The following CTTNBP2 variants were observed in gnomAD, a reference collection of about 807,000 sequenced individuals.
CTTNBP2 encodes cortactin binding protein 2.
A neutral mutation model predicts 156.9 loss-of-function variants in CTTNBP2; 108 were observed. The ratio of observed to expected loss-of-function variants is 0.69; its 90% CI spans 0.59 to 0.81. The LOEUF (loss-of-function observed/expected upper bound fraction) is 0.81. Ranked by LOEUF, CTTNBP2 falls within the 30% of genes least tolerant of loss-of-function variation. The pLI, the probability that CTTNBP2 is intolerant of heterozygous loss-of-function variation, is 0.00. For synonymous variants in CTTNBP2, 767 were observed against 751.8 expected, an observed-to-expected ratio of 1.02 and a Z score of -0.33; for missense variants, 1,924 against 2,035.4, an observed-to-expected ratio of 0.95 and a Z score of 1.05.
intron 2 of CTTNBP2, among the ~76,000 whole-genome samples, chr7:117,819,025 C>T (rs1800787348): frequency 6.6e-6 from 1 of 152,142 alleles, no homozygotes; most frequent in South Asian, 2.1e-4. Flanking sequence ...GGCTTCTAAA[C>T]TGTTATATCC....
At chr7:117,770,847 T>TA (rs1467095407) in intron 8 of CTTNBP2, among the ~76,000 whole-genome samples, 1 of 152,124 alleles carries the variant, frequency 6.6e-6, no homozygotes, top group Non-Finnish European at 1.5e-5. Flanking sequence ...CTTCTGGAAA[T>TA]AGAGTCCCGG....
Position 117,792,391 on chromosome 7 carries a change from G to A in CTTNBP2, c.805C>T (p.Leu269=). Reference sequence around the variant, plus strand: ...GGTTTGCTGTCACTTCCCCTTTTCAGTTGCTCAATCATTTTCCTCATCTTG... The same window carrying A: ...GGTTTGCTGTCACTTCCCCTTTTCAATTGCTCAATCATTTTCCTCATCTTG... ...IDKMRKMIEQ[L]KRGSDSKPSL... Residue 269 remains leucine (L), a synonymous_variant, in exon 4 of 23, where the codon CTG becomes TTG. Transcript: ENST00000160373. The surrounding 1 kb of genome is among the most constrained non-coding windows in gnomAD (Gnocchi z 4.2). 6.2e-7 allele frequency: 1 copy of A among 1,614,144 alleles called. No homozygotes were observed. Among genetic ancestry groups the A allele is most frequent in the Non-Finnish European group, 8.5e-7 (1 of 1,180,032 alleles).
intron 2 of CTTNBP2, among the ~76,000 whole-genome samples, chr7:117,836,754 C>T (rs1801974634): frequency 1.3e-5 from 2 of 152,090 alleles, no homozygotes; most frequent in South Asian, 4.1e-4. Context: ...TTCCACGTGG[C>T]TGGGGAGGCC....
At chr7:117,864,614 A>T (rs1803984804) in intron 1 of CTTNBP2, among the ~76,000 whole-genome samples, 1 of 149,612 alleles carries the variant, frequency 6.7e-6, no homozygotes, top group Non-Finnish European at 1.5e-5. Context: ...TTCTAACAAA[A>T]ACTACATTTT....
At chr7:117,718,478 T>A (rs1050156718) in intron 21 of CTTNBP2, among the ~76,000 whole-genome samples, 1 of 152,220 alleles carries the variant, frequency 6.6e-6, no homozygotes, top group African/African-American at 2.4e-5. Flanking sequence ...CCAACAAAGT[T>A]AAATAAGAGT....
chr7:117,830,915 G>A (rs1740307208), intron 2 of CTTNBP2, among the ~76,000 whole-genome samples: 1 of 152,078 alleles, frequency 6.6e-6, no homozygotes, highest in Non-Finnish European at 1.5e-5. Flanking sequence ...CTACCAAATA[G>A]TCAAAGAATC....
In CTTNBP2 at chr7:117,777,700, C is replaced by T; in HGVS notation, c.2589G>A (p.Met863Ile). 6.2e-7 allele frequency: 1 copy of T among 1,614,016 alleles called. No homozygotes were observed. The highest frequency in any genetic ancestry group is 1.1e-5 in the South Asian group (1 of 91,074). ...TTCCATGAGCTGGTATTCTATGGTA[C>T]ATAAGAAGCTTGAGGCTGTCCACAT... Reference protein sequence around the residue: ...TGNVDSLKLLMYHRIPAHGNS... With the variant: ...TGNVDSLKLLIYHRIPAHGNS... The change falls in exon 8 of 23, where the codon ATG (methionine) becomes ATA (isoleucine). Residue 863 changes from methionine to isoleucine, a missense_variant. By Grantham distance (10) the Met-to-Ile change is conservative. Coordinates refer to ENST00000160373, the MANE Select transcript of CTTNBP2 (RefSeq NM_033427.3).
intron 22 of CTTNBP2, among the ~76,000 whole-genome samples, chr7:117,713,050 C>A (rs1384376719): frequency 6.6e-6 from 1 of 152,140 alleles, no homozygotes; most frequent in Non-Finnish European, 1.5e-5. Flanking sequence ...GTAGTACAAA[C>A]CCTCTTGTGA....
At chr7:117,719,692 A>C in intron 20 of CTTNBP2, 56 bp from the exon 21 acceptor site, 1 of 1,496,932 alleles carries the variant, frequency 6.7e-7, no homozygotes, top group Non-Finnish European at 9.1e-7. Context: ...CCAATTTGGA[A>C]ATCTAGACAC....
intron 12 of CTTNBP2, among the ~76,000 whole-genome samples, chr7:117,748,563 C>T (rs1796460337): frequency 6.6e-6 from 1 of 152,156 alleles, no homozygotes; most frequent in South Asian, 2.1e-4. Flanking sequence ...AAAATATTCA[C>T]GATCTCACTT....
At chr7:117,762,704 T>C (rs1797275658) in intron 9 of CTTNBP2, among the ~76,000 whole-genome samples, 1 of 152,194 alleles carries the variant, frequency 6.6e-6, no homozygotes, top group Non-Finnish European at 1.5e-5. Context: ...CCATCTCTCC[T>C]ACAATCGAAC....
In CTTNBP2 at chr7:117,735,281, T is replaced by C. The variant is rs1369103914; in HGVS notation, c.3676A>G (p.Thr1226Ala). Residue 1226 changes from threonine (T) to alanine (A), a missense_variant, in exon 15 of 23, where the codon ACT (threonine) becomes GCT (alanine). Physicochemically the swap from Thr to Ala is moderately conservative, Grantham distance 58. Coordinates refer to ENST00000160373, the MANE Select transcript of CTTNBP2 (RefSeq NM_033427.3). ...TTATTAGCGTTACCTTTTTGGAAAGTGCAGGGGCTTTCAGTGCTGCGATTT... is the reference window on the plus strand; with the variant it reads ...TTATTAGCGTTACCTTTTTGGAAAGCGCAGGGGCTTTCAGTGCTGCGATTT... The part of the protein sequence containing the change: ...LENRSTESPC[T>A]FQKGNGLSEC... The C allele has an allele frequency of 6.2e-7, 1 of 1,614,062 alleles. No homozygotes were observed. The highest frequency in any genetic ancestry group is 2.2e-5 in the East Asian group (1 of 44,890).
intron 3 of CTTNBP2, among the ~76,000 whole-genome samples, chr7:117,800,024 T>C (rs1238924291): frequency 3.3e-5 from 5 of 152,050 alleles, no homozygotes; most frequent in Non-Finnish European, 1.5e-5. Context: ...AGAAATGTAC[T>C]ATAATTATGG....
chr7:117,780,654 C>T, intron 6 of CTTNBP2, 63 bp from the exon 7 acceptor site: 1 of 997,172 alleles, frequency 1.0e-6, no homozygotes, highest in Non-Finnish European at 1.4e-6. Flanking sequence ...CACCACCTAA[C>T]CAAGATATTA....
chr7:117,738,491 G>A (rs1795828009), intron 14 of CTTNBP2, among the ~76,000 whole-genome samples: 1 of 152,184 alleles, frequency 6.6e-6, no homozygotes, highest in Non-Finnish European at 1.5e-5. Context: ...GATGATGGGA[G>A]CCTCACCCAG....
chr7:117,813,889 G>GA lies in CTTNBP2; in HGVS notation c.190-2901dup, dbSNP rs1176007463. ...ATTATTTTATACCCTCAATGTGGAT[G>GA]AAAGGTTTAAAAGTCAACACTAGCT... On this transcript the variant is annotated intron_variant, in intron 2 of 22. Transcript: ENST00000160373. 4.9e-4 allele frequency among the ~76,000 whole-genome samples: 74 copies of GA among 152,334 alleles called. 1 individual carries two copies. The highest frequency in any genetic ancestry group is 1.6e-3 in the African/African-American group (66 of 41,586).
At chr7:117,806,314 G>A (rs564332631) in intron 3 of CTTNBP2, among the ~76,000 whole-genome samples, 6 of 152,176 alleles carry the variant, frequency 3.9e-5, no homozygotes, top group East Asian at 3.9e-4. Context: ...GCAAAGCAGC[G>A]CTGTAAAGGC....
intron 2 of CTTNBP2, among the ~76,000 whole-genome samples, chr7:117,820,768 G>GC (rs1313079425): frequency 6.6e-6 from 1 of 152,142 alleles, no homozygotes; most frequent in African/African-American, 2.4e-5. Context: ...CTGAAATCAG[G>GC]CAGGTTAAGT....
At chr7:117,827,971 A>C (rs1801385047) in intron 2 of CTTNBP2, among the ~76,000 whole-genome samples, 1 of 152,138 alleles carries the variant, frequency 6.6e-6, no homozygotes, top group Non-Finnish European at 1.5e-5. Context: ...AAACTCCCTA[A>C]AGAACCAGCC....
Sources: allele counts gnomAD v4.1 joint callset (sites outside exome capture counted in the v4.1 genomes callset), GRCh38; gene constraint gnomAD v4.1.1; non-coding constraint Gnocchi (gnomAD v3.1); transcripts MANE v1.5; gene names NCBI Gene and HGNC (gene_info 2026-07-23, HGNC 2026-07-21).